Variants in NSMCE2 observed in about 807,000 individuals in gnomAD.
NSMCE2 encodes NSE2 SUMO ligase component of SMC5/6 complex, also known as E3 SUMO-protein ligase NSE2.
Under a neutral mutation model 23.8 loss-of-function variants are expected in NSMCE2, and 24 were observed. The ratio of observed to expected loss-of-function variants is 1.01; its 90% confidence interval spans 0.73 to 1.42. The LOEUF (loss-of-function observed/expected upper bound fraction) is 1.42, where lower values mean the gene tolerates loss of function less well. Ranked by LOEUF, NSMCE2 falls within the 40% of genes most tolerant of loss-of-function variation. NSMCE2 has a pLI of 0.00. For synonymous variants in NSMCE2, 92 were observed against 94.1 expected (o/e 0.98, Z 0.13); for missense variants, 284 against 296.5 (o/e 0.96, Z 0.31).
intron 3 of NSMCE2, chr8:125,130,206 G>A (rs984499694): frequency 8.8e-6 from 4 of 455,314 alleles, no homozygotes; most frequent in Non-Finnish European, 1.8e-5. Flanking sequence ...TTAGATTTGC[G>A]TTACAGGTTT....
At chr8:125,286,400 C>A (rs572350806) in intron 5 of NSMCE2, among the ~76,000 whole-genome samples, 1 of 152,000 alleles carries the variant, frequency 6.6e-6, no homozygotes, top group South Asian at 2.1e-4. Flanking sequence ...GCAACCTCCG[C>A]CTCCTGGGTT....
chr8:125,340,968 C>G (rs1016543114), intron 5 of NSMCE2, among the ~76,000 whole-genome samples: 1 of 152,154 alleles, frequency 6.6e-6, no homozygotes, highest in African/African-American at 2.4e-5. Context: ...AGCCTGCCTC[C>G]TTTATTTGCT....
rs564787754 is a variant in NSMCE2 at position 125,231,387 on chromosome 8, T to C, written c.418+49131T>C. On this transcript the variant is annotated intron_variant, in intron 5 of 7. Coordinates refer to ENST00000287437, the MANE Select transcript of NSMCE2 (RefSeq NM_173685.4). The stretch of plus-strand genomic sequence containing the variant: ...TTTGGCCAGTGTAAAATAGCAGTTA[T>C]TGCAAGAACAAAGGGATTAAAGCAT... 2.0e-5 allele frequency among the ~76,000 whole-genome samples: 3 copies of C among 152,334 alleles called. No homozygotes were observed. In the East Asian group the frequency reaches 5.8e-4, roughly 29 times the overall value.
rs756823764 is a variant in NSMCE2 at position 125,357,855 on chromosome 8, A to G, written c.626+37A>G. Reference sequence around the variant, plus strand: ...CAGGGAAGGAAGTGGAGCCTTCCCTAGTGGTAGTTACTCAGAGGTGGCGTG... The same window carrying G: ...CAGGGAAGGAAGTGGAGCCTTCCCTGGTGGTAGTTACTCAGAGGTGGCGTG... On this transcript the variant is annotated intron_variant, in intron 7 of 7. Coordinates refer to ENST00000287437, the MANE Select transcript of NSMCE2 (RefSeq NM_173685.4). 23 of 1,396,754 alleles carry G rather than the reference A, an allele frequency of 1.6e-5. No individual in the cohort carries two copies. In the South Asian group the frequency reaches 1.8e-4, roughly 11 times the overall value. 86.5% of individuals were successfully genotyped at this position (1,396,754 alleles called of 1,614,324 possible).
intron 4 of NSMCE2, among the ~76,000 whole-genome samples, chr8:125,156,490 A>G (rs2130705184): frequency 6.6e-6 from 1 of 152,292 alleles, no homozygotes; most frequent in African/African-American, 2.4e-5. Flanking sequence ...ATCTTATAAC[A>G]ATTCCTACTA....
chr8:125,327,734 A>G (rs1471138511), intron 5 of NSMCE2, among the ~76,000 whole-genome samples: 1 of 152,048 alleles, frequency 6.6e-6, no homozygotes, highest in Non-Finnish European at 1.5e-5. Flanking sequence ...TTTGACCTGA[A>G]GTACTCCATT....
intron 5 of NSMCE2, among the ~76,000 whole-genome samples, chr8:125,275,164 C>T (rs1013436016): frequency 6.6e-6 from 1 of 151,856 alleles, no homozygotes; most frequent in Non-Finnish European, 1.5e-5. Flanking sequence ...CTTCACACCC[C>T]CCTTCCATAT....
chr8:125,195,157 T>C (rs1186394664), intron 5 of NSMCE2, among the ~76,000 whole-genome samples: 1 of 152,156 alleles, frequency 6.6e-6, no homozygotes, highest in African/African-American at 2.4e-5. Context: ...ACCACTGGTT[T>C]ACAGCGGAGG....
chr8:125,192,836 C>T (rs1563710057), intron 5 of NSMCE2, among the ~76,000 whole-genome samples: 1 of 152,186 alleles, frequency 6.6e-6, no homozygotes, highest in Non-Finnish European at 1.5e-5. Context: ...TGTAAGGCTG[C>T]CTGCCAGATG....
rs76028846 is a variant in NSMCE2 at position 125,322,744 on chromosome 8, G to A, written c.419-34475G>A. ...ACAAAAAAGCTGCTAGAACTAATAC[G>A]TGAGTTTAGCAAATTTGAAGAATAT... On this transcript the variant is annotated intron_variant, in intron 5 of 7. Coordinates refer to ENST00000287437, the MANE Select transcript of NSMCE2 (RefSeq NM_173685.4). Among the ~76,000 whole-genome samples the A allele has an allele frequency of 8.3e-3, 1,260 of 152,308 alleles. 12 individuals are homozygous for A. The highest frequency in any genetic ancestry group is 6.6e-3 in the African/African-American group (276 of 41,578).
At chr8:125,242,633 A>G (rs1825805312) in intron 5 of NSMCE2, among the ~76,000 whole-genome samples, 1 of 152,170 alleles carries the variant, frequency 6.6e-6, no homozygotes, top group African/African-American at 2.4e-5. Context: ...AGTGCTCACA[A>G]ATACCCTTCA....
At chr8:125,207,370 A>G (rs907154402) in intron 5 of NSMCE2, among the ~76,000 whole-genome samples, 1 of 152,224 alleles carries the variant, frequency 6.6e-6, no homozygotes, top group Non-Finnish European at 1.5e-5. Flanking sequence ...ATACACATTT[A>G]TTAGATAATA....
At chr8:125,298,253 A>G (rs1286045676) in intron 5 of NSMCE2, among the ~76,000 whole-genome samples, 3 of 152,170 alleles carry the variant, frequency 2.0e-5, no homozygotes, top group Non-Finnish European at 4.4e-5. Flanking sequence ...GTGAAAGTCC[A>G]TCTCAAAAAA....
rs1455485424 is a variant in NSMCE2 at position 125,328,442 on chromosome 8, C to A, written c.419-28777C>A. Reference sequence around the variant, plus strand: ...TATGAACGTGCAAATTGCTGAGCACCTCGAGGGCCTGGATTGGGTTGTGTG... The same window carrying A: ...TATGAACGTGCAAATTGCTGAGCACATCGAGGGCCTGGATTGGGTTGTGTG... On this transcript the variant is annotated intron_variant, in intron 5 of 7. Coordinates refer to ENST00000287437, the MANE Select transcript of NSMCE2 (RefSeq NM_173685.4). 5.3e-5 allele frequency among the ~76,000 whole-genome samples: 8 copies of A among 152,134 alleles called. No homozygotes were observed. The East Asian group carries it at 1.5e-3, about 29-fold the overall frequency.
chr8:125,094,951 C>G (rs1407297341), intron 1 of NSMCE2, among the ~76,000 whole-genome samples: 2 of 152,216 alleles, frequency 1.3e-5, no homozygotes, highest in Non-Finnish European at 2.9e-5. Flanking sequence ...CCTCCCGGCT[C>G]AAGCGATCCT....
At chr8:125,178,818 C>T (rs143619646) in intron 4 of NSMCE2, among the ~76,000 whole-genome samples, 123 of 152,018 alleles carry the variant, frequency 8.1e-4, no homozygotes, top group Non-Finnish European at 1.2e-3. Context: ...TGCAGTGAGC[C>T]GAGATCGTGC....
At chr8:125,134,238 G>A (rs1819938897) in intron 3 of NSMCE2, among the ~76,000 whole-genome samples, 1 of 152,170 alleles carries the variant, frequency 6.6e-6, no homozygotes, top group African/African-American at 2.4e-5. Context: ...ATTATGTTAT[G>A]AAGACTTCTG....
chr8:125,124,915 C>T (rs1819441864), intron 3 of NSMCE2, among the ~76,000 whole-genome samples: 1 of 152,120 alleles, frequency 6.6e-6, no homozygotes, highest in Non-Finnish European at 1.5e-5. Context: ...CTGCCTCAGC[C>T]TCCTGAGTAG....
chr8:125,340,887 T>C (rs1017478716), intron 5 of NSMCE2, among the ~76,000 whole-genome samples: 1 of 152,250 alleles, frequency 6.6e-6, no homozygotes, highest in Non-Finnish European at 1.5e-5. Context: ...ATGACCCTGA[T>C]AATTAGTGTG....
Sources: gnomAD v4.1 joint callset for allele counts (sites outside exome capture counted in the v4.1 genomes callset) on GRCh38, gnomAD v4.1.1 for gene constraint, MANE v1.5 for transcripts, NCBI Gene and HGNC (gene_info 2026-07-23, HGNC 2026-07-21) for gene names.